COL6A3: variants seen among roughly 807,000 people sequenced by gnomAD.
The protein encoded by COL6A3 is collagen alpha-3(VI) chain.
COL6A3 carries 137 observed loss-of-function variants against 274.1 expected under a neutral mutation model. That is an observed-to-expected ratio of 0.50 (90% CI 0.44 to 0.58). The LOEUF is 0.58. Among genes scored for constraint, COL6A3 ranks in the 20% least tolerant of loss-of-function variants. COL6A3 has a pLI of 0.00. For synonymous variants in COL6A3, 1,650 were observed against 1,650.6 expected, an observed-to-expected ratio of 1.00 and a Z score of 0.01; for missense variants, 3,950 against 4,124.9, an observed-to-expected ratio of 0.96 and a Z score of 1.16.
chr2:237,340,405 G>C lies in COL6A3; in HGVS notation c.8464+47C>G, dbSNP rs377635244. On this transcript the variant is annotated intron_variant, in intron 38 of 43. Transcript: ENST00000295550. ...ACTGTTCCTACACTTCTCCTGGCCCGAGCATAAAGCCAGGCCAGGGCACAT... is the reference window on the plus strand; with the variant it reads ...ACTGTTCCTACACTTCTCCTGGCCCCAGCATAAAGCCAGGCCAGGGCACAT... The C allele has an allele frequency of 3.2e-6, 5 of 1,560,786 alleles. No individual in the cohort carries two copies. In the South Asian group the frequency reaches 4.4e-5, roughly 14 times the overall value.
At chr2:237,399,538 A>G (rs1391854279) in intron 1 of COL6A3, among the ~76,000 whole-genome samples, 5 of 152,254 alleles carry the variant, frequency 3.3e-5, no homozygotes, top group Non-Finnish European at 7.3e-5. Flanking sequence ...TCTAAGGGGA[A>G]AAACAGGCAT....
At position 237,366,835 on chromosome 2, in the gene COL6A3, C is replaced by T. The variant is rs2106350469; in HGVS notation, c.5352G>A (p.Glu1784=). The T allele has an allele frequency of 1.9e-6, 3 of 1,614,282 alleles. No homozygotes were observed. Among genetic ancestry groups the T allele is most frequent in the South Asian group, 1.1e-5 (1 of 91,090 alleles). Reference sequence around the variant, plus strand: ...TGTTGGACGCTATCTTTCCAACCTCCTCCGAGTCGATATTCCTCACTCCAA... The same window carrying T: ...TGTTGGACGCTATCTTTCCAACCTCTTCCGAGTCGATATTCCTCACTCCAA... The part of the protein sequence containing the change: ...FAVGVRNIDS[E]EVGKIASNSA... The change falls in exon 11 of 44, where the codon GAG becomes GAA. Residue 1784 remains glutamate (E), a synonymous_variant. Transcript: ENST00000295550.
At position 237,379,068 on chromosome 2, in the gene COL6A3, T is replaced by C; in HGVS notation, c.2065A>G (p.Thr689Ala). ...TGGTATGTGTTTAAAGAGAACTCCG[T>C]TACAGGAGTGTCACTAAATTGCACT... is the stretch of plus-strand genomic sequence containing the variant. ...GLVQFSDTPV[T>A]EFSLNTYQTK... The change falls in exon 6 of 44, where the codon ACG (threonine) becomes GCG (alanine). Residue 689 changes from threonine to alanine, a missense_variant. Around this residue, in one of 5 missense-constraint regions of COL6A3, gnomAD observed 1,934 missense variants for 1,984.3 expected, o/e 0.97. Transcript: ENST00000295550. The C allele has an allele frequency of 6.2e-7, 1 of 1,614,178 alleles. No homozygotes were observed. Among genetic ancestry groups the C allele is most frequent in the Non-Finnish European group, 8.5e-7 (1 of 1,180,004 alleles).
chr2:237,354,843 G>A lies in COL6A3; in HGVS notation c.6627+56C>T, dbSNP rs572222954. The A allele has an allele frequency of 7.4e-6, 11 of 1,483,882 alleles. No homozygotes were observed. The East Asian group carries it at 2.3e-4, about 31-fold the overall frequency. 91.9% of individuals were successfully genotyped at this position (1,483,882 alleles called of 1,614,324 possible). A position where few individuals can be genotyped will look rare whatever the true frequency, so the allele number is the denominator to read the frequency against. ...AGAGAGTGTTTTTCACTCCTGGGCT[G>A]GGCGGCATCTGGGCTGTTTGAAGAG... is the stretch of plus-strand genomic sequence containing the variant. On this transcript the variant is annotated intron_variant, in intron 24 of 43. Coordinates refer to ENST00000295550, the MANE Select transcript of COL6A3 (RefSeq NM_004369.4).
chr2:237,369,794 T>C (rs1032650987), intron 9 of COL6A3, among the ~76,000 whole-genome samples: 5 of 152,284 alleles, frequency 3.3e-5, no homozygotes, highest in African/African-American at 1.2e-4. Context: ...CTAGCATTTA[T>C]ATGAAGTTTT....
intron 26 of COL6A3, among the ~76,000 whole-genome samples, chr2:237,351,637 C>T (rs528525357): frequency 6.6e-6 from 1 of 152,180 alleles, no homozygotes; most frequent in Admixed American, 6.5e-5. Flanking sequence ...GTACAGTCTA[C>T]GCAACCCACA....
intron 28 of COL6A3, among the ~76,000 whole-genome samples, chr2:237,349,127 T>C (rs1452087321): frequency 6.6e-6 from 1 of 150,986 alleles, no homozygotes. Context: ...TTCCAAGTCA[T>C]CACCCCTAGA....
At position 237,395,303 on chromosome 2, in the gene COL6A3, G is replaced by T. The variant is rs58672130; in HGVS notation, c.92-99C>A. ...AAACAAATTTGGTTTACACTATACT[G>T]CTACTAAACACTTCACACCTCACTG... is the stretch of plus-strand genomic sequence containing the variant. On this transcript the variant is annotated intron_variant, in intron 2 of 43. Transcript: ENST00000295550. 24,547 of 1,218,512 alleles carry T rather than the reference G, an allele frequency of 0.02. 1,269 individuals are homozygous for T. Among genetic ancestry groups the T allele is most frequent in the African/African-American group, 0.18 (12,096 of 66,866 alleles). The allele number at this position is 1,218,512 out of a possible 1,614,324, so 75.5% of individuals were successfully genotyped here. A position where few individuals can be genotyped will look rare whatever the true frequency, so the allele number is the denominator to read the frequency against.
At position 237,396,711 on chromosome 2, in the gene COL6A3, C is replaced by T. The variant is rs747662761; in HGVS notation, c.91+16G>A. ...ATATTCCTTTTTACAAAATCAAGGA[C>T]GTTTCTGGCTCTTACCTGCTTGCTG... On this transcript the variant is annotated intron_variant, in intron 2 of 43. Coordinates refer to ENST00000295550, the MANE Select transcript of COL6A3 (RefSeq NM_004369.4). 2.0e-5 allele frequency: 33 copies of T among 1,612,874 alleles called. No homozygotes were observed. Among genetic ancestry groups the T allele is most frequent in the Admixed American group, 8.3e-5 (5 of 60,012 alleles).
intron 42 of COL6A3, 190 bp downstream of exon 42, chr2:237,333,260 T>G: frequency 1.6e-6 from 1 of 643,266 alleles, no homozygotes; most frequent in South Asian, 1.8e-5. Context: ...TGATCACAGG[T>G]AAAGTAAGAC....
intron 1 of COL6A3, among the ~76,000 whole-genome samples, chr2:237,401,392 T>C (rs181860383): frequency 6.6e-6 from 1 of 151,308 alleles, no homozygotes; most frequent in African/African-American, 2.4e-5. Context: ...TTCAACAGTG[T>C]TTTATAGTTT....
In COL6A3 at chr2:237,395,001, T is replaced by C. The variant is rs1451925840; in HGVS notation, c.295A>G (p.Lys99Glu). 12 of 1,614,082 alleles carry C rather than the reference T, an allele frequency of 7.4e-6. No individual in the cohort carries two copies. The Admixed American group carries it at 2.0e-4, about 27-fold the overall frequency. The stretch of plus-strand genomic sequence containing the variant: ...GAAATATGAGAAAGGACTTCTTGTT[T>C]AGTACGATACGTATTTAACAGGAAC... ...TEFLLNTYRTKQEVLSHISNM... is the reference protein window; with the variant it reads ...TEFLLNTYRTEQEVLSHISNM... Residue 99 changes from lysine (K) to glutamate (E), a missense_variant, in exon 3 of 44, where the codon AAA becomes GAA. Lys to Glu is a moderately conservative substitution (Grantham distance 56). Around this residue, in one of 5 missense-constraint regions of COL6A3, gnomAD observed 1,934 missense variants for 1,984.3 expected, o/e 0.97. Transcript: ENST00000295550.
At chr2:237,341,283 C>T (rs1034756013) in intron 37 of COL6A3, 133 bp from the exon 38 acceptor site, 73 of 857,580 alleles carry the variant, frequency 8.5e-5, no homozygotes, top group African/African-American at 5.8e-4. Flanking sequence ...CGGTGGCTCA[C>T]GCCTGTAATC....
At chr2:237,334,959 G>A (rs1459351727) in intron 40 of COL6A3, 70 bp from the exon 41 acceptor site, 32 of 1,577,782 alleles carry the variant, frequency 2.0e-5, no homozygotes, top group East Asian at 2.2e-5. Context: ...GAGCGAGAGA[G>A]GAAATCTGAA....
chr2:237,411,247 T>C (rs1261465271), intron 1 of COL6A3, among the ~76,000 whole-genome samples: 1 of 152,208 alleles, frequency 6.6e-6, no homozygotes, highest in Non-Finnish European at 1.5e-5. Flanking sequence ...AAAACTGAAC[T>C]TTCAAATAAA....
chr2:237,353,268 A>C (rs2077246013), intron 25 of COL6A3, 73 bp downstream of exon 25: 1 of 1,458,926 alleles, frequency 6.9e-7, no homozygotes, highest in Non-Finnish European at 9.6e-7. Flanking sequence ...TCCGGATATA[A>C]ATGCCACCCA....
In COL6A3 at chr2:237,361,775, C is replaced by G. The variant is rs767129751; in HGVS notation, c.6120G>C (p.Arg2040Ser). The G allele has an allele frequency of 6.2e-7, 1 of 1,614,222 alleles. No homozygotes were observed. The highest frequency in any genetic ancestry group is 2.2e-5 in the East Asian group (1 of 44,880). The change falls in exon 15 of 44, where the codon AGG becomes AGC. Residue 2040 changes from arginine to serine, a missense_variant. This residue lies in a region of COL6A3 where 92 missense variants were observed against 143.4 expected (regional missense o/e 0.64). Coordinates refer to ENST00000295550, the MANE Select transcript of COL6A3 (RefSeq NM_004369.4). This position sits in a 1 kb window ranked among gnomAD's most constrained non-coding sequence, Gnocchi z 5.1. ...TGCTGCCGATGGGCCCGCGGTCTCC[C>G]CTCTGCCCAGAGCACTTGCAGGGAA... The part of the protein sequence containing the change: ...CGVPCKCSGQ[R>S]GDRGPIGSIG...
Position 237,345,205 on chromosome 2 carries a change from C to A in COL6A3, c.7101G>T (p.Lys2367Asn), listed in dbSNP as rs775666497. 3.7e-6 allele frequency: 6 copies of A among 1,614,142 alleles called. No homozygotes were observed. The South Asian group carries it at 6.6e-5, about 18-fold the overall frequency. Reference protein sequence around the residue: ...DPGYPGPAGPKGNRGDSIDQC... With the variant: ...DPGYPGPAGPNGNRGDSIDQC... ...CATCGATGGAGTCGCCCCTGTTGCC[C>A]TTGGGACCCTGTAAAACCAAGGAAC... The change falls in exon 33 of 44, where the codon AAG (lysine) becomes AAT (asparagine). Residue 2367 changes from lysine (K) to asparagine (N), a missense_variant. By Grantham distance (94) the Lys-to-Asn change is moderately conservative. Coordinates refer to ENST00000295550, the MANE Select transcript of COL6A3 (RefSeq NM_004369.4).
chr2:237,356,052 G>T (rs1406345576), intron 23 of COL6A3, among the ~76,000 whole-genome samples: 1 of 152,222 alleles, frequency 6.6e-6, no homozygotes, highest in Non-Finnish European at 1.5e-5. Flanking sequence ...TGGTCCTAAG[G>T]GAAGGGATAG....
Sources: allele counts gnomAD v4.1 joint callset (sites outside exome capture counted in the v4.1 genomes callset), GRCh38; gene constraint gnomAD v4.1.1; regional missense constraint gnomAD v4.1.1; non-coding constraint Gnocchi (gnomAD v3.1); transcripts MANE v1.5; gene names NCBI Gene and HGNC (gene_info 2026-07-23, HGNC 2026-07-21).